The following SVIL variants were observed in gnomAD, a reference collection of about 807,000 sequenced individuals.
SVIL encodes the protein supervillin, also known as archvillin.
A neutral mutation model predicts 240.4 loss-of-function variants in SVIL; 101 were observed. The observed-to-expected ratio is 0.42, with a 90% CI of 0.36 to 0.50. The LOEUF (loss-of-function observed/expected upper bound fraction) is 0.50. SVIL is among the 20% of genes least tolerant of loss of function. SVIL has a pLI of 0.01. For missense variants in SVIL, 2,512 were observed against 2,818.7 expected (o/e 0.89, Z 2.46); for synonymous variants, 999 against 1,100.0 (o/e 0.91, Z 1.82).
intron 18 of SVIL, among the ~76,000 whole-genome samples, chr10:29,495,388 G>A (rs1948352528): frequency 6.6e-6 from 1 of 151,944 alleles, no homozygotes; most frequent in Admixed American, 6.5e-5. Flanking sequence ...TATTTCCAAG[G>A]ACTGTAGTGG....
intron 3 of SVIL, among the ~76,000 whole-genome samples, chr10:29,650,206 A>G (rs552131020): frequency 2.9e-4 from 44 of 152,356 alleles, no homozygotes; most frequent in African/African-American, 1.0e-3. Flanking sequence ...GTCCATTTCC[A>G]ACTAATATTT....
intron 2 of SVIL, among the ~76,000 whole-genome samples, chr10:29,685,753 G>A (rs906057150): frequency 6.6e-6 from 1 of 152,102 alleles, no homozygotes; most frequent in African/African-American, 2.4e-5. Context: ...TTGTTTGCCT[G>A]AACTCCAAAG....
chr10:29,616,590 C>T (rs1957434576), intron 1 of SVIL, among the ~76,000 whole-genome samples: 2 of 152,236 alleles, frequency 1.3e-5, no homozygotes, highest in African/African-American at 4.8e-5. Flanking sequence ...ATATGCCACT[C>T]TGGCATAAGG....
intron 1 of SVIL, among the ~76,000 whole-genome samples, chr10:29,692,762 G>A (rs1282481087): frequency 1.3e-5 from 2 of 152,126 alleles, no homozygotes; most frequent in Admixed American, 6.5e-5. Flanking sequence ...CAAGGTGTTG[G>A]AATTACAGGC....
intron 2 of SVIL, among the ~76,000 whole-genome samples, chr10:29,674,911 C>T (rs571315757): frequency 2.6e-5 from 4 of 152,342 alleles, no homozygotes; most frequent in African/African-American, 9.6e-5. Flanking sequence ...CTGACACTGA[C>T]TCTCCTGACT....
intron 18 of SVIL, among the ~76,000 whole-genome samples, chr10:29,498,103 A>G (rs866204463): frequency 0.019 from 2,789 of 149,102 alleles, 147 homozygotes; most frequent in African/African-American, 0.054. Context: ...AAAAAAAAAA[A>G]AAAAAAAAAA....
At chr10:29,722,063 C>T (rs1964019439) in intron 1 of SVIL, among the ~76,000 whole-genome samples, 1 of 151,916 alleles carries the variant, frequency 6.6e-6, no homozygotes, top group African/African-American at 2.4e-5. Flanking sequence ...CATAGCAGAA[C>T]CCTGTCTCTG....
intron 1 of SVIL, among the ~76,000 whole-genome samples, chr10:29,696,348 G>T (rs998566048): frequency 1.3e-5 from 2 of 152,152 alleles, no homozygotes; most frequent in African/African-American, 4.8e-5. Flanking sequence ...AAAGTGCGGA[G>T]ATTGCAGCCC....
chr10:29,626,726 T>C (rs892540592), intron 1 of SVIL, among the ~76,000 whole-genome samples: 3 of 152,110 alleles, frequency 2.0e-5, no homozygotes, highest in African/African-American at 4.8e-5. Flanking sequence ...TCAGAAACTT[T>C]CCAAAATAAA....
At chr10:29,486,286 A>G (rs763323758) in intron 25 of SVIL, 56 bp from the exon 26 acceptor site, 50 of 1,599,090 alleles carry the variant, frequency 3.1e-5, no homozygotes, top group African/African-American at 5.4e-5. Flanking sequence ...AGTAGCTGCA[A>G]TGTAAAATGT....
In SVIL at chr10:29,634,589, C is replaced by T. The variant is rs913968733; in HGVS notation, c.-370G>A. The T allele has an allele frequency of 6.6e-6, 1 of 152,166 alleles. No homozygotes were observed. The highest frequency in any genetic ancestry group is 2.4e-5 in the African/African-American group (1 of 41,442). 9.4% of individuals were successfully genotyped at this position (152,166 alleles called of 1,614,324 possible). A position where few individuals can be genotyped will look rare whatever the true frequency, so the allele number is the denominator to read the frequency against. On this transcript the variant is annotated 5_prime_UTR_variant, in exon 1 of 38. Transcript: ENST00000355867. ...TGGAGTCTCTTTCCAATGAATACTACTTTCAAATTCTAAGCACAAAGTAAA... is the reference window on the plus strand; with the variant it reads ...TGGAGTCTCTTTCCAATGAATACTATTTTCAAATTCTAAGCACAAAGTAAA...
chr10:29,553,666 C>T (rs917745259), intron 5 of SVIL, among the ~76,000 whole-genome samples: 7 of 152,120 alleles, frequency 4.6e-5, no homozygotes, highest in African/African-American at 1.7e-4. Context: ...GAAGAGCAGC[C>T]CTGCGTGCAT....
intron 2 of SVIL, among the ~76,000 whole-genome samples, chr10:29,665,362 C>A (rs1204564016): frequency 6.6e-6 from 1 of 151,972 alleles, no homozygotes; most frequent in African/African-American, 2.4e-5. Context: ...AGTTGCAATC[C>A]ATGCAATTCA....
At chr10:29,608,147 G>A (rs777081702) in intron 1 of SVIL, among the ~76,000 whole-genome samples, 10 of 152,004 alleles carry the variant, frequency 6.6e-5, no homozygotes, top group East Asian at 1.9e-4. Context: ...CATTACCCCC[G>A]CCTCCTCACC....
At chr10:29,491,963 C>T (rs1443277551) in intron 21 of SVIL, among the ~76,000 whole-genome samples, 1 of 152,138 alleles carries the variant, frequency 6.6e-6, no homozygotes, top group Admixed American at 6.5e-5. Context: ...ACAAATTGAG[C>T]AAACTGGAAT....
At chr10:29,594,783 C>T (rs1332401827) in intron 1 of SVIL, among the ~76,000 whole-genome samples, 1 of 152,160 alleles carries the variant, frequency 6.6e-6, no homozygotes, top group African/African-American at 2.4e-5. Flanking sequence ...TCTTGAACTC[C>T]TGGGCTCAAG....
chr10:29,707,623 A>G (rs1287278874), intron 1 of SVIL, among the ~76,000 whole-genome samples: 1 of 152,188 alleles, frequency 6.6e-6, no homozygotes, highest in Non-Finnish European at 1.5e-5. Flanking sequence ...AGCAGTGGTA[A>G]TTAATAAGAC....
In SVIL at chr10:29,532,972, C is replaced by T. The variant is rs1371607652; in HGVS notation, c.1395G>A (p.Val465=). Residue 465 remains valine (V), a synonymous_variant, in exon 8 of 38, where the codon GTG becomes GTA. Transcript: ENST00000355867. ...TTCTAGAGGGATCTTCTGGGCTTCTCACTAGCCCATCACCCTCCAAAGCCA... is the reference window on the plus strand; with the variant it reads ...TTCTAGAGGGATCTTCTGGGCTTCTTACTAGCCCATCACCCTCCAAAGCCA... The part of the protein sequence containing the change: ...TLLALEGDGL[V]RSPEDPSRNE... 2 of 1,614,048 alleles carry T rather than the reference C, an allele frequency of 1.2e-6. No individual in the cohort carries two copies. The highest frequency in any genetic ancestry group is 1.7e-6 in the Non-Finnish European group (2 of 1,180,046).
intron 23 of SVIL, chr10:29,487,571 C>G: frequency 2.0e-5 from 7 of 351,828 alleles, no homozygotes; most frequent in Non-Finnish European, 3.6e-5. Flanking sequence ...AAGGCTCCCC[C>G]TTCCAGGGAG....
Sources: gnomAD v4.1 joint callset for allele counts (sites outside exome capture counted in the v4.1 genomes callset) on GRCh38, gnomAD v4.1.1 for gene constraint, MANE v1.5 for transcripts, NCBI Gene and HGNC (gene_info 2026-07-23, HGNC 2026-07-21) for gene names.